PHF24: variants seen among roughly 807,000 people sequenced by gnomAD.
PHF24 encodes the protein Galpha inhibitory interacting protein.
Under a neutral mutation model 42.6 loss-of-function variants are expected in PHF24, and 25 were observed. The ratio of observed to expected loss-of-function variants is 0.59; its 90% confidence interval spans 0.43 to 0.82. The LOEUF is 0.82. Ranked by LOEUF, PHF24 falls within the 40% of genes least tolerant of loss-of-function variation. The probability of loss-of-function intolerance (pLI) is 0.00; values close to 1 mark genes in which losing one functional copy is unlikely to be tolerated. For synonymous variants in PHF24, 185 were observed against 204.8 expected, an observed-to-expected ratio of 0.90 and a Z score of 0.83; for missense variants, 470 against 538.1, an observed-to-expected ratio of 0.87 and a Z score of 1.25.
chr9:34,712,124 TA>T, the PHF24 span, among the ~76,000 whole-genome samples: 1 of 152,182 alleles, frequency 6.6e-6, no homozygotes, highest in African/African-American at 2.4e-5. Context: ...CTTCAGTCTT[TA>T]AATATATCCC....
chr9:34,935,892 C>T, the PHF24 span, among the ~76,000 whole-genome samples: 1 of 151,714 alleles, frequency 6.6e-6, no homozygotes, highest in East Asian at 1.9e-4. Context: ...AATTGGGATA[C>T]AGATACACTG....
chr9:34,976,451 G>A, intron 4 of PHF24, 84 bp from the exon 5 acceptor site: 1 of 1,443,992 alleles, frequency 6.9e-7, no homozygotes, highest in Non-Finnish European at 9.5e-7. Flanking sequence ...TGGGTTTGGG[G>A]GCCCCGAGGG....
the PHF24 span, among the ~76,000 whole-genome samples, chr9:34,915,741 A>G: frequency 6.6e-6 from 1 of 152,154 alleles, no homozygotes; most frequent in East Asian, 1.9e-4. Flanking sequence ...AATTGTGGTG[A>G]TTTGTGCAGA....
At chr9:34,774,902 T>C in the PHF24 span, among the ~76,000 whole-genome samples, 1 of 152,158 alleles carries the variant, frequency 6.6e-6, no homozygotes, top group Non-Finnish European at 1.5e-5. Flanking sequence ...ATATTAATAA[T>C]AATAATAATT....
chr9:34,830,623 T>A, the PHF24 span, among the ~76,000 whole-genome samples: 33 of 152,262 alleles, frequency 2.2e-4, no homozygotes, highest in Non-Finnish European at 3.4e-4. Context: ...CCTTTGGTGG[T>A]GGATCACTCA....
At chr9:34,953,938 A>AAAAC (rs778417861), upstream of PHF24, among the ~76,000 whole-genome samples, 11 of 152,172 alleles carry the variant, frequency 7.2e-5, no homozygotes, top group Admixed American at 7.2e-4. The surrounding 1 kb of genome is among the most constrained non-coding windows in gnomAD (Gnocchi z 4.1). Context: ...CCTGTCTCTT[A>AAAAC]AAACAAACAA....
At chr9:34,814,533 C>T in the PHF24 span, among the ~76,000 whole-genome samples, 3 of 152,120 alleles carry the variant, frequency 2.0e-5, no homozygotes, top group Admixed American at 2.0e-4. Context: ...CATGTGCAGG[C>T]ATCTATCATA....
At chr9:34,940,256 C>T in the PHF24 span, among the ~76,000 whole-genome samples, 6 of 152,094 alleles carry the variant, frequency 3.9e-5, no homozygotes, top group African/African-American at 7.2e-5. Context: ...AGGGAAGAGA[C>T]ACACAATTCT....
the PHF24 span, among the ~76,000 whole-genome samples, chr9:34,800,018 ATTAC>A: frequency 6.6e-6 from 1 of 152,198 alleles, no homozygotes; most frequent in East Asian, 1.9e-4. Context: ...AAGATGAGAA[ATTAC>A]TTAATGGATA....
chr9:34,962,573 G>A (rs114651317), intron 1 of PHF24, among the ~76,000 whole-genome samples: 2 of 152,160 alleles, frequency 1.3e-5, no homozygotes, highest in African/African-American at 2.4e-5. Flanking sequence ...TGTACTCGGC[G>A]AAAGTTTGCA....
rs141199404 is a variant in PHF24 at position 34,965,641 on chromosome 9, G to C, written c.-4-5654G>C. Among the ~76,000 whole-genome samples the C allele has an allele frequency of 4.6e-5, 7 of 152,318 alleles. No individual in the cohort carries two copies. The East Asian group carries it at 1.3e-3, about 29-fold the overall frequency. ...GGAGATAGCTTCATAGCTATTCTTG[G>C]TATCCTTATAAAGAATAATGGTATC... is the stretch of plus-strand genomic sequence containing the variant. On this transcript the variant is annotated intron_variant, in intron 1 of 7. Coordinates refer to ENST00000242315, the Ensembl canonical transcript of PHF24.
chr9:34,768,696 C>T, the PHF24 span, among the ~76,000 whole-genome samples: 26,388 of 152,138 alleles, frequency 0.17, 3,064 homozygotes, highest in Non-Finnish European at 0.26. Context: ...CTTCTGGCCC[C>T]GCTACCTGCT....
At chr9:34,767,114 G>T in the PHF24 span, among the ~76,000 whole-genome samples, 4 of 152,190 alleles carry the variant, frequency 2.6e-5, no homozygotes, top group African/African-American at 9.6e-5. Context: ...TGCCCCTACT[G>T]GGGGGTGTCT....
the PHF24 span, among the ~76,000 whole-genome samples, chr9:34,944,361 C>T: frequency 6.6e-6 from 1 of 152,292 alleles, no homozygotes; most frequent in East Asian, 1.9e-4. Context: ...CTTTTAGTTC[C>T]TTCAGTGTAT....
At chr9:34,820,255 AG>A in the PHF24 span, among the ~76,000 whole-genome samples, 1 of 151,946 alleles carries the variant, frequency 6.6e-6, no homozygotes, top group Non-Finnish European at 1.5e-5. Flanking sequence ...TTTTAGGTTA[AG>A]GGGGTACATG....
chr9:34,854,209 TTTC>T, the PHF24 span, among the ~76,000 whole-genome samples: 7 of 151,446 alleles, frequency 4.6e-5, no homozygotes, highest in South Asian at 1.5e-3. Flanking sequence ...TTTTTTTTTT[TTTC>T]AAAAAAAATC....
At chr9:34,759,596 C>T in the PHF24 span, among the ~76,000 whole-genome samples, 1 of 152,144 alleles carries the variant, frequency 6.6e-6, no homozygotes, top group African/African-American at 2.4e-5. Flanking sequence ...ACCATATTAC[C>T]TATCCAAACA....
the PHF24 span, among the ~76,000 whole-genome samples, chr9:34,750,403 T>C: frequency 2.4e-3 from 366 of 151,976 alleles, 1 homozygote; most frequent in African/African-American, 8.2e-3. Flanking sequence ...GGCATGAGAA[T>C]TGCTTGAACC....
the PHF24 span, among the ~76,000 whole-genome samples, chr9:34,843,209 AC>A: frequency 1.3e-5 from 2 of 152,332 alleles, no homozygotes; most frequent in South Asian, 2.1e-4. Flanking sequence ...GGAGTCTGGC[AC>A]CACATTATGA....
Sources: gnomAD v4.1 joint callset for allele counts (sites outside exome capture counted in the v4.1 genomes callset) on GRCh38, gnomAD v4.1.1 for gene constraint, Gnocchi (gnomAD v3.1) non-coding constraint, MANE v1.5 for transcripts, NCBI Gene and HGNC (gene_info 2026-07-23, HGNC 2026-07-21) for gene names.